Variants in HPSE2 observed in about 807,000 individuals in gnomAD.
The protein encoded by HPSE2 is inactive heparanase-2.
A neutral mutation model predicts 60.5 loss-of-function variants in HPSE2; 38 were observed. The observed-to-expected ratio is 0.63, with a 90% CI of 0.48 to 0.82. The LOEUF is 0.82. Among genes scored for constraint, HPSE2 ranks in the 40% least tolerant of loss-of-function variants. The probability of loss-of-function intolerance (pLI) is 0.00; values close to 1 mark genes in which losing one functional copy is unlikely to be tolerated. For synonymous variants in HPSE2, 295 were observed against 293.2 expected (o/e 1.01, Z -0.06); for missense variants, 713 against 740.4 (o/e 0.96, Z 0.43).
At chr10:98,733,515 G>A (rs971430625) in intron 4 of HPSE2, among the ~76,000 whole-genome samples, 7 of 152,092 alleles carry the variant, frequency 4.6e-5, no homozygotes, top group African/African-American at 7.2e-5. Flanking sequence ...AGTAGAAAAC[G>A]TACTTCACTT....
At chr10:98,754,764 G>A (rs1036425249) in intron 3 of HPSE2, among the ~76,000 whole-genome samples, 22 of 149,254 alleles carry the variant, frequency 1.5e-4, no homozygotes, top group South Asian at 2.2e-4. Context: ...GCTGACTACA[G>A]GTGCCCAATC....
At chr10:98,701,914 A>G (rs1054214413) in intron 5 of HPSE2, among the ~76,000 whole-genome samples, 1 of 152,176 alleles carries the variant, frequency 6.6e-6, no homozygotes, top group Admixed American at 6.5e-5. Flanking sequence ...TGTGCAAAAT[A>G]ACCAGATAGC....
chr10:98,955,367 T>C (rs990766070), intron 3 of HPSE2, among the ~76,000 whole-genome samples: 1 of 152,106 alleles, frequency 6.6e-6, no homozygotes, highest in African/African-American at 2.4e-5. Context: ...AAGCTCAAAA[T>C]CAGTGATCAT....
intron 3 of HPSE2, among the ~76,000 whole-genome samples, chr10:98,813,114 G>T (rs1185128267): frequency 6.6e-6 from 1 of 152,052 alleles, no homozygotes; most frequent in Non-Finnish European, 1.5e-5. Context: ...CTTCCTCAAG[G>T]ATATTTCTAT....
intron 6 of HPSE2, among the ~76,000 whole-genome samples, chr10:98,682,953 A>C (rs116183971): frequency 1.3e-3 from 200 of 152,296 alleles, no homozygotes; most frequent in African/African-American, 4.7e-3. Flanking sequence ...ATCACAATGA[A>C]ACCTAGAGGA....
intron 3 of HPSE2, among the ~76,000 whole-genome samples, chr10:98,942,926 T>C (rs1306259615): frequency 6.6e-6 from 1 of 151,630 alleles, no homozygotes; most frequent in Non-Finnish European, 1.5e-5. Context: ...TTCATGTCCT[T>C]TGTAGGGACA....
Position 99,235,654 on chromosome 10 carries a change from T to A in HPSE2, c.149A>T (p.Asp50Val). The A allele has an allele frequency of 6.2e-7, 1 of 1,613,954 alleles. No individual in the cohort carries two copies. Among genetic ancestry groups the A allele is most frequent in the Non-Finnish European group, 8.5e-7 (1 of 1,179,992 alleles). Reference protein sequence around the residue: ...QAGDRRPLPVDRAAGLKEKTL... With the variant: ...QAGDRRPLPVVRAAGLKEKTL... ...CTTTTCCTTCAAACCTGCAGCTCTG[T>A]CTACAGGCAAGGGTCTCCTGTCTCC... is the stretch of plus-strand genomic sequence containing the variant. Residue 50 changes from aspartate to valine, a missense_variant, in exon 1 of 12, where the codon GAC (aspartate) becomes GTC (valine). Asp to Val is a radical substitution (Grantham distance 152). Transcript: ENST00000370552.
chr10:99,090,093 A>T (rs1843460415), intron 3 of HPSE2, among the ~76,000 whole-genome samples: 1 of 152,058 alleles, frequency 6.6e-6, no homozygotes, highest in South Asian at 2.1e-4. Flanking sequence ...AGGGTTTTCC[A>T]TATACAATCA....
chr10:99,046,889 C>T (rs141966664), intron 3 of HPSE2, among the ~76,000 whole-genome samples: 79 of 152,240 alleles, frequency 5.2e-4, no homozygotes, highest in Non-Finnish European at 2.9e-5. Context: ...GGACATACTG[C>T]CCAAAGGAAT....
At position 99,003,602 on chromosome 10, in the gene HPSE2, G is replaced by C. The variant is rs372278894; in HGVS notation, c.610+140636C>G. 9.9e-5 allele frequency among the ~76,000 whole-genome samples: 15 copies of C among 152,100 alleles called. No homozygotes were observed. The East Asian group carries it at 2.1e-3, about 22-fold the overall frequency. ...TTCTCTGATGGTTAAGCACATTTTT[G>C]TATGCCTGTTGGCCATTTTTATAGC... On this transcript the variant is annotated intron_variant, in intron 3 of 11. Coordinates refer to ENST00000370552, the MANE Select transcript of HPSE2 (RefSeq NM_021828.5).
At position 99,217,669 on chromosome 10, in the gene HPSE2, C is replaced by A. The variant is rs554098334; in HGVS notation, c.448+14679G>T. On this transcript the variant is annotated intron_variant, in intron 2 of 11. Coordinates refer to ENST00000370552, the MANE Select transcript of HPSE2 (RefSeq NM_021828.5). The stretch of plus-strand genomic sequence containing the variant: ...AGTGCAGTGGGATGATTATGTCTCA[C>A]TGCCTCACACTTGGGCTAAAGCAAT... Among the ~76,000 whole-genome samples the A allele has an allele frequency of 4.3e-3, 655 of 152,174 alleles. 4 individuals carry two copies. Among genetic ancestry groups the A allele is most frequent in the Non-Finnish European group, 8.0e-3 (544 of 68,004 alleles).
intron 3 of HPSE2, among the ~76,000 whole-genome samples, chr10:99,056,444 T>C (rs1014329279): frequency 6.6e-6 from 1 of 152,140 alleles, no homozygotes; most frequent in South Asian, 2.1e-4. Flanking sequence ...TTCACCTCAT[T>C]TTATGAGACT....
At chr10:98,924,384 G>C (rs1268999596) in intron 3 of HPSE2, 2 of 152,300 alleles carry the variant, frequency 1.3e-5, no homozygotes, top group Admixed American at 6.5e-5. Flanking sequence ...GTTCTTGTAG[G>C]CTCCAGGTGT....
chr10:98,603,100 A>T (rs946440371), intron 9 of HPSE2, among the ~76,000 whole-genome samples: 2 of 152,298 alleles, frequency 1.3e-5, no homozygotes, highest in Admixed American at 1.3e-4. Context: ...AGTCTGAAAA[A>T]TCAACAATTT....
intron 3 of HPSE2, among the ~76,000 whole-genome samples, chr10:98,948,693 C>T (rs1337713470): frequency 6.6e-6 from 1 of 152,058 alleles, no homozygotes; most frequent in Non-Finnish European, 1.5e-5. Flanking sequence ...GTGTGCCTGC[C>T]TTTCCTGCCA....
intron 3 of HPSE2, among the ~76,000 whole-genome samples, chr10:99,022,396 A>G (rs12252743): frequency 0.016 from 2,378 of 152,234 alleles, 64 homozygotes; most frequent in African/African-American, 0.054. Flanking sequence ...TGTGTCTCCA[A>G]ATAAACTTGA....
chr10:98,829,556 AGATAGAT>A (rs1243298139), intron 3 of HPSE2, among the ~76,000 whole-genome samples: 5 of 152,110 alleles, frequency 3.3e-5, no homozygotes, highest in Non-Finnish European at 7.4e-5. Flanking sequence ...AAAGTTCTGG[AGATAGAT>A]GATGGTAATG....
intron 2 of HPSE2, among the ~76,000 whole-genome samples, chr10:99,198,589 CT>C (rs748964621): frequency 2.3e-4 from 35 of 152,206 alleles, no homozygotes; most frequent in Admixed American, 1.4e-3. Flanking sequence ...CATGACCTAA[CT>C]ATAGGTAAGA....
rs546537418 is a variant in HPSE2 at position 98,564,555 on chromosome 10, C to T, written c.1320+50349G>A. On this transcript the variant is annotated intron_variant, in intron 9 of 11. Transcript: ENST00000370552. ...TGAAGCAGAATTTTGTGGCTGCAAA[C>T]TCATAATGGTTACTCATCCATATCC... 2.0e-4 allele frequency among the ~76,000 whole-genome samples: 31 copies of T among 152,276 alleles called. No individual in the cohort carries two copies. The South Asian group carries it at 6.4e-3, about 32-fold the overall frequency.
Sources: gnomAD v4.1 joint callset for allele counts (sites outside exome capture counted in the v4.1 genomes callset) on GRCh38, gnomAD v4.1.1 for gene constraint, MANE v1.5 for transcripts, NCBI Gene and HGNC (gene_info 2026-07-23, HGNC 2026-07-21) for gene names.